The following CES5A variants were observed in gnomAD, a reference collection of about 807,000 sequenced individuals.
The protein encoded by CES5A is carboxylesterase 5.
Under a neutral mutation model 62.9 loss-of-function variants are expected in CES5A, and 67 were observed. The observed-to-expected ratio is 1.07, with a 90% CI of 0.88 to 1.31. The LOEUF is 1.31. Among genes scored for constraint, CES5A ranks in the 50% most tolerant of loss-of-function variants. The pLI is 0.00. For synonymous variants in CES5A, 296 were observed against 280.8 expected (o/e 1.05, Z -0.54); for missense variants, 748 against 708.5 (o/e 1.06, Z -0.63).
chr16:55,914,013 C>T (rs2034120731), intron 1 of CES5A, among the ~76,000 whole-genome samples: 1 of 152,164 alleles, frequency 6.6e-6, no homozygotes, highest in Non-Finnish European at 1.5e-5. Flanking sequence ...ACTAGCTCTG[C>T]AGCCACAGAC....
In CES5A at chr16:55,846,413, G is replaced by A. The variant is rs2033008616; in HGVS notation, c.*38C>T. 6.7e-7 allele frequency: 1 copy of A among 1,495,174 alleles called. No individual in the cohort carries two copies. Among genetic ancestry groups the A allele is most frequent in the Non-Finnish European group, 9.3e-7 (1 of 1,075,256 alleles). 92.6% of individuals were successfully genotyped at this position (1,495,174 alleles called of 1,614,324 possible). ...CTAATGATTGCGGGAGAAATTATGG[G>A]AGGAGAAGGGAAACCAAAATCACAG... On this transcript the variant is annotated 3_prime_UTR_variant, in exon 13 of 13. Transcript: ENST00000290567.
chr16:55,876,406 T>C (rs1394292380), upstream of CES5A, among the ~76,000 whole-genome samples: 2 of 152,144 alleles, frequency 1.3e-5, no homozygotes, highest in African/African-American at 2.4e-5. Context: ...CTAGCAACCA[T>C]TACAACGAAA....
chr16:55,868,344 A>G (rs751271964), intron 4 of CES5A, among the ~76,000 whole-genome samples: 3 of 152,228 alleles, frequency 2.0e-5, no homozygotes, highest in African/African-American at 4.8e-5. Flanking sequence ...TGCAGTCTGC[A>G]AAAGTATTGC....
exon 1 of CES5A, chr16:55,955,983 A>G (rs2034606384): frequency 3.7e-6 from 5 of 1,346,882 alleles, no homozygotes; most frequent in African/African-American, 1.5e-5. Context: ...GGTACAGCTG[A>G]TAAAGAAAAG....
At chr16:55,954,546 C>A (rs1206622010) in intron 1 of CES5A, among the ~76,000 whole-genome samples, 3 of 152,024 alleles carry the variant, frequency 2.0e-5, no homozygotes, top group Non-Finnish European at 2.9e-5. Context: ...CTTTTTTTTG[C>A]CTGCTTGCTC....
chr16:55,941,138 G>C (rs1486096393), intron 2 of CES5A, among the ~76,000 whole-genome samples: 1 of 151,984 alleles, frequency 6.6e-6, no homozygotes, highest in Non-Finnish European at 1.5e-5. Context: ...TGTACAGGAA[G>C]TCCTAGCTAT....
At chr16:55,900,154 T>C (rs1324527748) in intron 1 of CES5A, among the ~76,000 whole-genome samples, 1 of 152,168 alleles carries the variant, frequency 6.6e-6, no homozygotes, top group African/African-American at 2.4e-5. Context: ...CGCAGGCTCA[T>C]TTCTCCAACC....
At chr16:55,862,054 C>T (rs1410440646) in intron 6 of CES5A, among the ~76,000 whole-genome samples, 7 of 152,134 alleles carry the variant, frequency 4.6e-5, no homozygotes, top group African/African-American at 1.7e-4. Flanking sequence ...CTATACCAAT[C>T]CTTTTCATTC....
At position 55,856,434 on chromosome 16, in the gene CES5A, A is replaced by G; in HGVS notation, c.1068T>C (p.Pro356=). ...CGFLLPMKEA[P]EILSGSNKSL... The stretch of plus-strand genomic sequence containing the variant: ...ACTTGTTGGAGCCACTGAGGATCTC[A>G]GGAGCCTCCTTCTGTGGAGAGAAGC... Residue 356 remains proline, a synonymous_variant, in exon 9 of 13, where the codon CCT becomes CCC. Coordinates refer to ENST00000290567, the MANE Select transcript of CES5A (RefSeq NM_001143685.2). The G allele has an allele frequency of 6.2e-7, 1 of 1,612,800 alleles. No individual in the cohort carries two copies. The highest frequency in any genetic ancestry group is 8.5e-7 in the Non-Finnish European group (1 of 1,178,822).
Position 55,916,201 on chromosome 16 carries a change from G to A in CES5A, c.-256+9122C>T, listed in dbSNP as rs560384945. 2.0e-5 allele frequency among the ~76,000 whole-genome samples: 3 copies of A among 152,248 alleles called. No homozygotes were observed. The South Asian group carries it at 6.2e-4, about 32-fold the overall frequency. On this transcript the variant is annotated intron_variant, in intron 1 of 12. Transcript: ENST00000518005. ...AAACACCTGAAAAGACATATCAAAT[G>A]GCCAATCTTAGGATCTAAGGTAGCG...
chr16:55,934,862 T>C (rs775400343), intron 2 of CES5A, among the ~76,000 whole-genome samples: 14 of 152,358 alleles, frequency 9.2e-5, no homozygotes, highest in Middle Eastern at 3.4e-3. Flanking sequence ...GGAGAGTTAC[T>C]GGTGTAAGTT....
Position 55,951,592 on chromosome 16 carries a change from G to A in CES5A, c.43-1690C>T, listed in dbSNP as rs543836816. Among the ~76,000 whole-genome samples the A allele has an allele frequency of 2.6e-5, 4 of 152,220 alleles. No homozygotes were observed. The South Asian group carries it at 8.3e-4, about 32-fold the overall frequency. ...AAATGAGACAGAGAGGTTAAAAATA[G>A]AATACTGGAAATAGCTATGTTGTGC... is the stretch of plus-strand genomic sequence containing the variant. On this transcript the variant is annotated intron_variant, in intron 1 of 13. Transcript: ENST00000521992.
At chr16:55,916,083 T>C (rs2034145627) in intron 1 of CES5A, among the ~76,000 whole-genome samples, 1 of 152,126 alleles carries the variant, frequency 6.6e-6, no homozygotes, top group South Asian at 2.1e-4. Context: ...TCAATGGTTG[T>C]TTGGCAAGCC....
At position 55,859,611 on chromosome 16, in the gene CES5A, G is replaced by C; in HGVS notation, c.992C>G (p.Ala331Gly). ...NEPLDLLSQK[A>G]FKAIPSIIGV... is the part of the protein sequence containing the mutation. ...GATGATGGAAGGAATTGCTTTAAAT[G>C]CTTTCTGAGACAATAGATCTAGAGG... is the stretch of plus-strand genomic sequence containing the variant. The change falls in exon 8 of 13, where the codon GCA (alanine) becomes GGA (glycine). Residue 331 changes from alanine (A) to glycine (G), a missense_variant. Physicochemically the swap from Ala to Gly is moderately conservative, Grantham distance 60. Coordinates refer to ENST00000290567, the MANE Select transcript of CES5A (RefSeq NM_001143685.2). The C allele has an allele frequency of 6.2e-7, 1 of 1,613,618 alleles. No homozygotes were observed. The highest frequency in any genetic ancestry group is 8.5e-7 in the Non-Finnish European group (1 of 1,179,738).
intron 2 of CES5A, among the ~76,000 whole-genome samples, chr16:55,931,711 C>T (rs527414863): frequency 6.6e-6 from 1 of 152,292 alleles, no homozygotes; most frequent in East Asian, 1.9e-4. Context: ...GGAAGCTCTT[C>T]CAACCTTCCC....
rs551943085 is a variant in CES5A at position 55,846,356 on chromosome 16, C to T, written c.*95G>A. The T allele has an allele frequency of 1.1e-6, 1 of 896,312 alleles. No individual in the cohort carries two copies. The highest frequency in any genetic ancestry group is 1.7e-5 in the African/African-American group (1 of 59,388). 55.5% of individuals were successfully genotyped at this position (896,312 alleles called of 1,614,324 possible). ...CGAAAGCAGCTTGTTTTGCAAGGAT[C>T]CCCATAGAAAGCAGCTGAGCTCAGA... On this transcript the variant is annotated 3_prime_UTR_variant, in exon 13 of 13. Coordinates refer to ENST00000290567, the MANE Select transcript of CES5A (RefSeq NM_001143685.2).
intron 1 of CES5A, among the ~76,000 whole-genome samples, chr16:55,894,512 A>AAAG (rs1555484119): frequency 1.1e-4 from 17 of 149,764 alleles, no homozygotes; most frequent in African/African-American, 4.2e-4. Flanking sequence ...AAAAAAAAAA[A>AAAG]AAAGAAAAGA....
Position 55,869,643 on chromosome 16 carries a change from G to T in CES5A, c.519C>A (p.Val173=). The change falls in exon 4 of 13, where the codon GTC becomes GTA. Residue 173 remains valine, a synonymous_variant. Coordinates refer to ENST00000290567, the MANE Select transcript of CES5A (RefSeq NM_001143685.2). The part of the protein sequence containing the change: ...AAYEDVLVVV[V]QYRLGIFGFF... Reference sequence around the variant, plus strand: ...AACCAAATATTCCTAGCCGGTACTGGACGACCACAACCAGCACGTCCTCAT... The same window carrying T: ...AACCAAATATTCCTAGCCGGTACTGTACGACCACAACCAGCACGTCCTCAT... 6.2e-7 allele frequency: 1 copy of T among 1,613,862 alleles called. No individual in the cohort carries two copies. Among genetic ancestry groups the T allele is most frequent in the South Asian group, 1.1e-5 (1 of 90,994 alleles).
intron 10 of CES5A, among the ~76,000 whole-genome samples, chr16:55,851,304 A>G (rs1270656937): frequency 6.6e-6 from 1 of 152,202 alleles, no homozygotes; most frequent in Non-Finnish European, 1.5e-5. Context: ...CAGCAACAAA[A>G]AACAACTCAA....
Sources: allele counts gnomAD v4.1 joint callset (sites outside exome capture counted in the v4.1 genomes callset), GRCh38; gene constraint gnomAD v4.1.1; transcripts MANE v1.5; gene names NCBI Gene and HGNC (gene_info 2026-07-23, HGNC 2026-07-21).